The following ANGPTL5 variants were observed in gnomAD, a reference collection of about 807,000 sequenced individuals.
The protein encoded by ANGPTL5 is angiopoietin-related protein 5.
ANGPTL5 carries 34 observed loss-of-function variants against 39.4 expected under a neutral mutation model. That is an observed-to-expected ratio of 0.86 (90% confidence interval 0.66 to 1.15). The LOEUF is 1.15. ANGPTL5 is among the 50% of genes most tolerant of loss of function. ANGPTL5 has a pLI of 0.00. For synonymous variants in ANGPTL5, 146 were observed against 152.1 expected (o/e 0.96, Z 0.29); for missense variants, 467 against 457.5 (o/e 1.02, Z -0.19).
intron 7 of ANGPTL5, 89 bp from the exon 8 acceptor site, chr11:101,895,153 A>G: frequency 1.7e-6 from 2 of 1,146,192 alleles, no homozygotes; most frequent in Non-Finnish European, 2.4e-6. Context: ...TTAGCATTTC[A>G]AAAACTCTGA....
chr11:101,901,652 A>C lies in ANGPTL5; in HGVS notation c.540+969T>G, dbSNP rs186613381. 6.6e-5 allele frequency among the ~76,000 whole-genome samples: 10 copies of C among 152,280 alleles called. No individual in the cohort carries two copies. In the East Asian group the frequency reaches 1.9e-3, roughly 29 times the overall value. ...GATTATGCATCCCACTCTTCATAAA[A>C]TTAGAAGCCTTCCTTTTCCACATCT... On this transcript the variant is annotated intron_variant, in intron 6 of 8. Transcript: ENST00000334289.
intron 1 of ANGPTL5, among the ~76,000 whole-genome samples, chr11:101,910,060 C>T (rs1192715148): frequency 6.6e-6 from 1 of 152,176 alleles, no homozygotes; most frequent in Non-Finnish European, 1.5e-5. Context: ...CTGCCCAATT[C>T]GTAAATCATT....
intron 7 of ANGPTL5, among the ~76,000 whole-genome samples, chr11:101,898,247 G>A (rs1939834387): frequency 6.6e-6 from 1 of 152,110 alleles, no homozygotes; most frequent in Non-Finnish European, 1.5e-5. Flanking sequence ...ACTTTGGGCA[G>A]TATGGCCATT....
At chr11:101,905,291 C>T (rs937626985) in intron 4 of ANGPTL5, among the ~76,000 whole-genome samples, 1 of 152,162 alleles carries the variant, frequency 6.6e-6, no homozygotes, top group Non-Finnish European at 1.5e-5. Context: ...GGTATGACTT[C>T]GTTCTTGCCT....
intron 4 of ANGPTL5, among the ~76,000 whole-genome samples, chr11:101,905,483 A>G (rs1371002506): frequency 6.6e-6 from 1 of 152,118 alleles, no homozygotes. Flanking sequence ...AGCTTTTTGT[A>G]TCTGAGAGTT....
In ANGPTL5 at chr11:101,911,383, C is replaced by A. The variant is rs189315790; in HGVS notation, c.-92-3382G>T. Among the ~76,000 whole-genome samples, 667 of 152,090 alleles carry A rather than the reference C, an allele frequency of 4.4e-3. 5 individuals carry two copies. Among genetic ancestry groups the A allele is most frequent in the African/African-American group, 0.015 (642 of 41,484 alleles). On this transcript the variant is annotated intron_variant, in intron 1 of 8. Transcript: ENST00000334289. ...AGGTGATCCACCTGTCTTGGCCTCCCAAAGTGCTGGGATTACAGGCGTGAG... is the reference window on the plus strand; with the variant it reads ...AGGTGATCCACCTGTCTTGGCCTCCAAAAGTGCTGGGATTACAGGCGTGAG...
In ANGPTL5 at chr11:101,911,683, A is replaced by G. The variant is rs944881272; in HGVS notation, c.-92-3682T>C. Among the ~76,000 whole-genome samples, 47 of 152,332 alleles carry G rather than the reference A, an allele frequency of 3.1e-4. 1 individual carries two copies. Among genetic ancestry groups the G allele is most frequent in the African/African-American group, 1.1e-3 (45 of 41,576 alleles). ...AGCTCCCTAAAGCCTCCCCAGAAGC[A>G]GATGCTGCCATGCTTTCTGTACAGC... On this transcript the variant is annotated intron_variant, in intron 1 of 8. Coordinates refer to ENST00000334289, the MANE Select transcript of ANGPTL5 (RefSeq NM_178127.5).
At chr11:101,915,499 G>C (rs1405725024) in intron 1 of ANGPTL5, 1 of 1,495,636 alleles carries the variant, frequency 6.7e-7, no homozygotes, top group Non-Finnish European at 9.0e-7. Flanking sequence ...TACCTTTGAC[G>C]CAGGGTGATC....
chr11:101,908,005 G>C lies in ANGPTL5; in HGVS notation c.-92-4C>G. The stretch of plus-strand genomic sequence containing the variant: ...TAGAGTCTTCAGTTAAAAACCTCTG[G>C]AAAGCGTACAACAAAAACATAAGCC... On this transcript the variant is annotated splice_polypyrimidine_tract_variant and splice_region_variant and intron_variant, in intron 1 of 8. Coordinates refer to ENST00000334289, the MANE Select transcript of ANGPTL5 (RefSeq NM_178127.5). The C allele has an allele frequency of 2.2e-6, 2 of 902,208 alleles. No individual in the cohort carries two copies. Among genetic ancestry groups the C allele is most frequent in the Non-Finnish European group, 3.6e-6 (2 of 563,246 alleles). 55.9% of individuals were successfully genotyped at this position (902,208 alleles called of 1,614,324 possible). A position where few individuals can be genotyped will look rare whatever the true frequency, so the allele number is the denominator to read the frequency against.
rs752333159 is a variant in ANGPTL5 at position 101,904,888 on chromosome 11, C to T, written c.365G>A (p.Arg122Lys). Residue 122 changes from arginine to lysine, a missense_variant, in exon 5 of 9, where the codon AGA (arginine) becomes AAA (lysine). Transcript: ENST00000334289. ...AACTTCTGTAGTCAAAAGGAGAACT[C>T]TATTCATGAGCTCGTTAACCTAAAC... ...LSNQVNELMN[R>K]VLLLTTEVFR... The T allele has an allele frequency of 2.5e-6, 4 of 1,613,274 alleles. No homozygotes were observed. Among genetic ancestry groups the T allele is most frequent in the Non-Finnish European group, 3.4e-6 (4 of 1,179,364 alleles).
At position 101,903,456 on chromosome 11, in the gene ANGPTL5, C is replaced by G. The variant is rs571644869; in HGVS notation, c.440-735G>C. Among the ~76,000 whole-genome samples, 14 of 152,208 alleles carry G rather than the reference C, an allele frequency of 9.2e-5. No individual in the cohort carries two copies. In the South Asian group the frequency reaches 2.9e-3, roughly 32 times the overall value. ...CCTTAGAGCGTCCATTATCCAAATGCCCATCTTAACATCCTAGTTCTACTC... is the reference window on the plus strand; with the variant it reads ...CCTTAGAGCGTCCATTATCCAAATGGCCATCTTAACATCCTAGTTCTACTC... On this transcript the variant is annotated intron_variant, in intron 5 of 8. Coordinates refer to ENST00000334289, the MANE Select transcript of ANGPTL5 (RefSeq NM_178127.5).
intron 7 of ANGPTL5, among the ~76,000 whole-genome samples, chr11:101,896,203 T>TTTAC (rs1346545311): frequency 7.2e-6 from 1 of 139,496 alleles, no homozygotes; most frequent in Non-Finnish European, 1.6e-5. Flanking sequence ...TATTTATTTA[T>TTTAC]TGAGAGTCTA....
chr11:101,902,521 A>G, intron 6 of ANGPTL5, 100 bp downstream of exon 6: 1 of 1,038,266 alleles, frequency 9.6e-7, no homozygotes, highest in Non-Finnish European at 1.4e-6. Context: ...TTTGAGGAAA[A>G]ATTAAATATT....
intron 7 of ANGPTL5, among the ~76,000 whole-genome samples, chr11:101,895,984 C>T (rs748139057): frequency 2.0e-5 from 3 of 152,036 alleles, no homozygotes; most frequent in Non-Finnish European, 2.9e-5. Context: ...TTTAGCAACA[C>T]GCTCACTTAC....
Position 101,891,480 on chromosome 11 carries a change from C to G in ANGPTL5, c.966G>C (p.Lys322Asn), listed in dbSNP as rs1240995536. 1.2e-6 allele frequency: 2 copies of G among 1,613,926 alleles called. No homozygotes were observed. Among genetic ancestry groups the G allele is most frequent in the African/African-American group, 2.7e-5 (2 of 74,906 alleles). Reference sequence around the variant, plus strand: ...TCTTGTTATGGAGGTGACTGCAGCTCTTCACAGACTGACCATTGACCAGGC... The same window carrying G: ...TCTTGTTATGGAGGTGACTGCAGCTGTTCACAGACTGACCATTGACCAGGC... ...PACLVNGQSVKSCSHLHNKTG... is the reference protein window; with the variant it reads ...PACLVNGQSVNSCSHLHNKTG... The change falls in exon 9 of 9, where the codon AAG becomes AAC. Residue 322 changes from lysine (K) to asparagine (N), a missense_variant. Transcript: ENST00000334289.
rs1260788637 is a variant in ANGPTL5, at chr11:101,902,559, A to G, written c.540+62T>C. ...AACAATTTAAATTTTAACATAAATT[A>G]AATTGGTTGGATGTTTATCTTAGCC... On this transcript the variant is annotated intron_variant, in intron 6 of 8. Transcript: ENST00000334289. 4 of 1,192,204 alleles carry G rather than the reference A, an allele frequency of 3.4e-6. No homozygotes were observed. The Admixed American group carries it at 7.0e-5, about 21-fold the overall frequency. 73.9% of individuals were successfully genotyped at this position (1,192,204 alleles called of 1,614,324 possible). A position where few individuals can be genotyped will look rare whatever the true frequency, so the allele number is the denominator to read the frequency against.
At chr11:101,915,482 T>G in intron 1 of ANGPTL5, 1 of 1,548,704 alleles carries the variant, frequency 6.5e-7, no homozygotes, top group Non-Finnish European at 8.8e-7. Flanking sequence ...TCCAATTAGA[T>G]TCCCATTACC....
chr11:101,894,831 C>CTGG, intron 8 of ANGPTL5, 48 bp downstream of exon 8: 2 of 1,470,404 alleles, frequency 1.4e-6, no homozygotes, highest in Non-Finnish European at 1.9e-6. Context: ...AATAATGAGT[C>CTGG]AGTTATAATT....
chr11:101,899,727 C>T (rs1939861164), intron 7 of ANGPTL5, among the ~76,000 whole-genome samples: 2 of 152,168 alleles, frequency 1.3e-5, no homozygotes, highest in Admixed American at 1.3e-4. Flanking sequence ...CCACCACTTA[C>T]CAAATCCTTG....
Sources: allele counts gnomAD v4.1 joint callset (sites outside exome capture counted in the v4.1 genomes callset), GRCh38; gene constraint gnomAD v4.1.1; transcripts MANE v1.5; gene names NCBI Gene and HGNC (gene_info 2026-07-23, HGNC 2026-07-21).